WDR36: variants seen among roughly 807,000 people sequenced by gnomAD.
WDR36 encodes WD repeat-containing protein 36.
A neutral mutation model predicts 112.7 loss-of-function variants in WDR36; 63 were observed. The ratio of observed to expected loss-of-function variants is 0.56; its 90% confidence interval spans 0.46 to 0.69. The LOEUF (loss-of-function observed/expected upper bound fraction) is 0.69. WDR36 is among the 30% of genes least tolerant of loss of function. The pLI is 0.00. For synonymous variants in WDR36, 410 were observed against 362.2 expected (o/e 1.13, Z -1.50); for missense variants, 1,226 against 1,070.3 (o/e 1.15, Z -2.03).
chr5:111,121,629 A>C (rs1753568089), intron 19 of WDR36, among the ~76,000 whole-genome samples: 1 of 152,202 alleles, frequency 6.6e-6, no homozygotes, highest in African/African-American at 2.4e-5. Flanking sequence ...TACATAAGTT[A>C]ACATGAGCTA....
chr5:111,115,385 T>C (rs999206650), intron 16 of WDR36, among the ~76,000 whole-genome samples: 2 of 152,212 alleles, frequency 1.3e-5, no homozygotes, highest in Non-Finnish European at 2.9e-5. Flanking sequence ...TTGTAGGTAC[T>C]ATTACTGTTA....
At chr5:111,110,039 T>TA (rs1561705783) in intron 12 of WDR36, 150 bp from the exon 13 acceptor site, 1 of 646,742 alleles carries the variant, frequency 1.5e-6, no homozygotes, top group African/African-American at 1.8e-5. Flanking sequence ...CAAATATAAT[T>TA]ACTTTATGTT....
At chr5:111,106,994 T>G (rs1288409425) in intron 11 of WDR36, among the ~76,000 whole-genome samples, 1 of 151,468 alleles carries the variant, frequency 6.6e-6, no homozygotes, top group East Asian at 1.9e-4. Context: ...TGTCATACTT[T>G]ATTGTAATTT....
At chr5:111,106,268 C>G (rs750145572) in intron 11 of WDR36, 125 bp downstream of exon 11, 6 of 848,948 alleles carry the variant, frequency 7.1e-6, no homozygotes, top group Admixed American at 2.0e-5. Context: ...GAAGGTAACC[C>G]CAGGTGCATG....
At position 111,110,849 on chromosome 5, in the gene WDR36, T is replaced by G; in HGVS notation, c.1503T>G (p.Thr501=). The change falls in exon 14 of 23, where the codon ACT becomes ACG. Residue 501 remains threonine (T), a synonymous_variant. Coordinates refer to ENST00000513710, the MANE Select transcript of WDR36 (RefSeq NM_139281.3). ...GATTAAACCAGTTGACAGTTACAACTGGTAGTGAAGGATTACTCAAATTCT... is the reference window on the plus strand; with the variant it reads ...GATTAAACCAGTTGACAGTTACAACGGGTAGTGAAGGATTACTCAAATTCT... ...VDGLNQLTVT[T]GSEGLLKFWN... 4 of 1,611,750 alleles carry G rather than the reference T, an allele frequency of 2.5e-6. No homozygotes were observed. The highest frequency in any genetic ancestry group is 3.4e-6 in the Non-Finnish European group (4 of 1,178,488).
chr5:111,119,895 C>T (rs1444667376), intron 17 of WDR36, among the ~76,000 whole-genome samples: 1 of 152,050 alleles, frequency 6.6e-6, no homozygotes, highest in Admixed American at 6.6e-5. Context: ...GAGTATGGCC[C>T]TTCTCAATGA....
chr5:111,116,309 C>T (rs1397645476), intron 16 of WDR36, among the ~76,000 whole-genome samples: 6 of 152,000 alleles, frequency 3.9e-5, no homozygotes, highest in Non-Finnish European at 2.9e-5. Context: ...TAGAATTTTT[C>T]ATTTGTTCTG....
chr5:111,096,609 C>G (rs1171752633), intron 2 of WDR36, among the ~76,000 whole-genome samples: 1 of 151,882 alleles, frequency 6.6e-6, no homozygotes, highest in Non-Finnish European at 1.5e-5. Context: ...GAGGCTGAGG[C>G]AGGAGAATCA....
chr5:111,103,668 A>T, intron 6 of WDR36, 118 bp from the exon 7 acceptor site: 1 of 1,327,336 alleles, frequency 7.5e-7, no homozygotes, highest in Non-Finnish European at 1.1e-6. Context: ...TTTTTCTGCC[A>T]TCTTTTAGAA....
In WDR36 at chr5:111,128,908, T is replaced by C. The variant is rs949131555; in HGVS notation, c.*2025T>C. The C allele has an allele frequency of 5.2e-6, 1 of 192,374 alleles. No homozygotes were observed. The highest frequency in any genetic ancestry group is 2.3e-5 in the African/African-American group (1 of 43,114). 11.9% of individuals were successfully genotyped at this position (192,374 alleles called of 1,614,324 possible). On this transcript the variant is annotated 3_prime_UTR_variant, in exon 23 of 23. Coordinates refer to ENST00000513710, the MANE Select transcript of WDR36 (RefSeq NM_139281.3). ...CCATCTTCAGTCCCAATATCCTCTG[T>C]AGAAGTAATAGTTTTAACTCTCCTA...
chr5:111,093,903 G>T (rs1293142193), intron 1 of WDR36, among the ~76,000 whole-genome samples: 2 of 152,084 alleles, frequency 1.3e-5, no homozygotes, highest in African/African-American at 4.8e-5. Context: ...TTCTCCTCTA[G>T]TTCTAACACT....
intron 12 of WDR36, among the ~76,000 whole-genome samples, chr5:111,107,718 C>T (rs1232264861): frequency 1.3e-5 from 2 of 151,022 alleles, no homozygotes; most frequent in Non-Finnish European, 3.0e-5. Flanking sequence ...TCCAGTTGTC[C>T]CAGCACTATT....
At chr5:111,096,977 A>AT in intron 2 of WDR36, 102 bp from the exon 3 acceptor site, 8 of 750,118 alleles carry the variant, frequency 1.1e-5, no homozygotes, top group African/African-American at 1.8e-5. Flanking sequence ...TTATTTATAT[A>AT]TTTTTTTAAA....
rs545872034 is a variant in WDR36, at chr5:111,100,562, A to G, written c.410-27A>G. The G allele has an allele frequency of 4.3e-4, 598 of 1,402,386 alleles. 1 individual carries two copies. The highest frequency in any genetic ancestry group is 1.5e-3 in the Middle Eastern group (6 of 4,090). 86.9% of individuals were successfully genotyped at this position (1,402,386 alleles called of 1,614,324 possible). A position where few individuals can be genotyped will look rare whatever the true frequency, so the allele number is the denominator to read the frequency against. The stretch of plus-strand genomic sequence containing the variant: ...AAAACATTTTAAACTATTTTATAAA[A>G]AATATTTATAACTTTCACTTTTGTA... On this transcript the variant is annotated intron_variant, in intron 4 of 22. Transcript: ENST00000513710.
chr5:111,112,119 T>C (rs1753353936), intron 15 of WDR36, among the ~76,000 whole-genome samples: 1 of 151,958 alleles, frequency 6.6e-6, no homozygotes, highest in African/African-American at 2.4e-5. Context: ...ACAGCATCTG[T>C]AGAAATGAGG....
intron 16 of WDR36, among the ~76,000 whole-genome samples, chr5:111,116,424 A>C (rs1403947143): frequency 6.6e-6 from 1 of 152,206 alleles, no homozygotes; most frequent in Non-Finnish European, 1.5e-5. Flanking sequence ...TCTTCCTTAA[A>C]GATTTCTGTG....
At chr5:111,121,213 ACTT>A (rs1753560113) in intron 19 of WDR36, 72 bp downstream of exon 19, 1 of 1,546,526 alleles carries the variant, frequency 6.5e-7, no homozygotes, top group Non-Finnish European at 8.9e-7. Context: ...AGCAGAGAGA[ACTT>A]CTCCTACATT....
chr5:111,117,863 C>T (rs548113406), intron 16 of WDR36, among the ~76,000 whole-genome samples: 3 of 152,252 alleles, frequency 2.0e-5, no homozygotes, highest in South Asian at 2.1e-4. Flanking sequence ...AAGCTATTCT[C>T]GCTTTTAGCC....
intron 16 of WDR36, among the ~76,000 whole-genome samples, chr5:111,113,551 G>A (rs1753392023): frequency 6.6e-6 from 1 of 151,894 alleles, no homozygotes; most frequent in African/African-American, 2.4e-5. Context: ...TTTCCTTTTT[G>A]TATGTCTCTT....
Sources: allele counts gnomAD v4.1 joint callset (sites outside exome capture counted in the v4.1 genomes callset), GRCh38; gene constraint gnomAD v4.1.1; transcripts MANE v1.5; gene names NCBI Gene and HGNC (gene_info 2026-07-23, HGNC 2026-07-21).